Variants in PTPRN2 observed in about 807,000 individuals in gnomAD.
The protein encoded by PTPRN2 is protein tyrosine phosphatase receptor type N2.
PTPRN2 carries 74 observed loss-of-function variants against 118.8 expected under a neutral mutation model. The observed-to-expected ratio is 0.62, with a 90% CI of 0.52 to 0.76. The LOEUF (loss-of-function observed/expected upper bound fraction) is 0.76. PTPRN2 is among the 30% of genes least tolerant of loss of function. The pLI is 0.00. For synonymous variants in PTPRN2, 641 were observed against 608.0 expected, an observed-to-expected ratio of 1.05 and a Z score of -0.80; for missense variants, 1,481 against 1,394.4, an observed-to-expected ratio of 1.06 and a Z score of -0.99.
At chr7:157,940,734 G>C (rs79603896) in intron 11 of PTPRN2, among the ~76,000 whole-genome samples, 76 of 18,546 alleles carry the variant, frequency 4.1e-3, no homozygotes, top group African/African-American at 0.018. Context: ...CTAACGCCCT[G>C]CCCCATGACA....
chr7:158,189,150 T>C (rs1047979757), intron 5 of PTPRN2, among the ~76,000 whole-genome samples: 1 of 152,202 alleles, frequency 6.6e-6, no homozygotes, highest in Non-Finnish European at 1.5e-5. Context: ...GTTCCTGCAA[T>C]TTGCTACGGT....
rs575315267 is a variant in PTPRN2, at chr7:158,073,939, G to A, written c.1723+7359C>T. 5.3e-5 allele frequency among the ~76,000 whole-genome samples: 8 copies of A among 152,264 alleles called. No homozygotes were observed. The South Asian group carries it at 1.5e-3, about 28-fold the overall frequency. ...CCCAGCGGCATCTTCACCAGCAGAC[G>A]CGGCTCCCCTGGGACTCCCCTCCAG... On this transcript the variant is annotated intron_variant, in intron 11 of 22. Transcript: ENST00000389418.
chr7:158,259,600 C>T (rs912666461), intron 3 of PTPRN2, among the ~76,000 whole-genome samples: 11 of 152,184 alleles, frequency 7.2e-5, no homozygotes, highest in African/African-American at 2.2e-4. Context: ...TCACTCTTCC[C>T]GGGGATCCCA....
intron 3 of PTPRN2, among the ~76,000 whole-genome samples, chr7:158,253,899 C>T (rs1392680897): frequency 4.5e-5 from 6 of 134,562 alleles, no homozygotes; most frequent in South Asian, 2.6e-4. Flanking sequence ...CCACTGCCCA[C>T]GGCACGACCC....
intron 2 of PTPRN2, among the ~76,000 whole-genome samples, chr7:158,457,522 C>T (rs1292700706): frequency 1.3e-5 from 2 of 148,702 alleles, no homozygotes; most frequent in African/African-American, 2.5e-5. Context: ...CCAGGGCGAG[C>T]CTGGCCTGGG....
chr7:158,263,177 GCACA>G (rs199559112), intron 3 of PTPRN2, among the ~76,000 whole-genome samples: 2 of 150,340 alleles, frequency 1.3e-5, no homozygotes, highest in South Asian at 4.2e-4. Context: ...CACACACACT[GCACA>G]CACATTCACA....
chr7:157,556,098 G>A lies in PTPRN2; in HGVS notation c.2903-7079C>T, dbSNP rs1341265764. ...CTGGCAGAGCAAAACTCGGCTCAAG[G>A]TAACTGTGGTTGGGGATGCTCTGGG... On this transcript the variant is annotated intron_variant, in intron 21 of 22. Transcript: ENST00000389418. 2.0e-5 allele frequency among the ~76,000 whole-genome samples: 3 copies of A among 152,316 alleles called. No homozygotes were observed. In the South Asian group the frequency reaches 6.2e-4, roughly 32 times the overall value.
At chr7:158,312,211 C>T (rs1041972329) in intron 3 of PTPRN2, among the ~76,000 whole-genome samples, 1 of 151,076 alleles carries the variant, frequency 6.6e-6, no homozygotes, top group African/African-American at 2.4e-5. Flanking sequence ...CATGCACACA[C>T]ACGTGCTCAC....
intron 21 of PTPRN2, among the ~76,000 whole-genome samples, chr7:157,553,784 A>T (rs1340205679): frequency 6.6e-6 from 1 of 152,326 alleles, no homozygotes; most frequent in Admixed American, 6.5e-5. Flanking sequence ...TCTGCTGTGG[A>T]CGGCTCCTGC....
intron 2 of PTPRN2, among the ~76,000 whole-genome samples, chr7:158,369,314 T>G (rs555242997): frequency 6.6e-6 from 1 of 152,058 alleles, no homozygotes; most frequent in Non-Finnish European, 1.5e-5. Context: ...TAAAGTTATA[T>G]ACATACACGT....
chr7:158,023,670 A>T (rs537841530), intron 11 of PTPRN2, among the ~76,000 whole-genome samples: 1 of 152,206 alleles, frequency 6.6e-6, no homozygotes, highest in Admixed American at 6.5e-5. Flanking sequence ...TGCATTCAGC[A>T]GACACACACA....
chr7:158,584,063 C>T (rs1327434197), intron 1 of PTPRN2, among the ~76,000 whole-genome samples: 2 of 152,138 alleles, frequency 1.3e-5, no homozygotes, highest in Non-Finnish European at 2.9e-5. Context: ...GTAGGCAAAT[C>T]GGAAGGCCAA....
At chr7:158,445,889 C>T (rs1161523981) in intron 2 of PTPRN2, among the ~76,000 whole-genome samples, 1 of 152,232 alleles carries the variant, frequency 6.6e-6, no homozygotes, top group Non-Finnish European at 1.5e-5. Context: ...CGGGTCAGCC[C>T]TCAGACCACC....
At chr7:158,114,129 G>A (rs1816534315) in intron 9 of PTPRN2, among the ~76,000 whole-genome samples, 1 of 152,188 alleles carries the variant, frequency 6.6e-6, no homozygotes, top group Non-Finnish European at 1.5e-5. Flanking sequence ...TCCAGTTTGG[G>A]AGTGGTTACA....
At chr7:158,475,073 C>G (rs1438826296) in intron 2 of PTPRN2, among the ~76,000 whole-genome samples, 1 of 152,156 alleles carries the variant, frequency 6.6e-6, no homozygotes, top group Non-Finnish European at 1.5e-5. Context: ...GGCTGCAGCA[C>G]AGTCTCCAAC....
intron 13 of PTPRN2, among the ~76,000 whole-genome samples, chr7:157,679,289 C>G (rs916384844): frequency 6.6e-6 from 1 of 152,172 alleles, no homozygotes; most frequent in East Asian, 1.9e-4. Context: ...TGCGAGTAGT[C>G]TGTTAAACAA....
At chr7:158,206,563 G>A (rs1365007810) in intron 3 of PTPRN2, among the ~76,000 whole-genome samples, 1 of 152,048 alleles carries the variant, frequency 6.6e-6, no homozygotes, top group Non-Finnish European at 1.5e-5. Flanking sequence ...AGGAAGCTCG[G>A]GGAGGGGGGG....
At chr7:158,524,821 C>T (rs925163303) in intron 1 of PTPRN2, among the ~76,000 whole-genome samples, 1 of 152,194 alleles carries the variant, frequency 6.6e-6, no homozygotes, top group African/African-American at 2.4e-5. Flanking sequence ...AAGTCAGCTT[C>T]TGTACACTTG....
chr7:158,001,696 G>C (rs920299896), intron 11 of PTPRN2, among the ~76,000 whole-genome samples: 7 of 152,198 alleles, frequency 4.6e-5, no homozygotes, highest in African/African-American at 1.7e-4. Flanking sequence ...CTCCCAATCC[G>C]TGCTGAGAGC....
Sources: gnomAD v4.1 joint callset for allele counts (sites outside exome capture counted in the v4.1 genomes callset) on GRCh38, gnomAD v4.1.1 for gene constraint, MANE v1.5 for transcripts, NCBI Gene and HGNC (gene_info 2026-07-23, HGNC 2026-07-21) for gene names.